The following THSD7A variants were observed in gnomAD, a reference collection of about 807,000 sequenced individuals.
THSD7A encodes thrombospondin type 1 domain containing 7A.
THSD7A carries 96 observed loss-of-function variants against 231.3 expected under a neutral mutation model. The observed-to-expected ratio is 0.41, with a 90% CI of 0.35 to 0.49. THSD7A has a LOEUF of 0.49. Ranked by LOEUF, THSD7A falls within the 20% of genes least tolerant of loss-of-function variation. THSD7A has a pLI of 0.05. For synonymous variants in THSD7A, 940 were observed against 743.3 expected (o/e 1.26, Z -4.30); for missense variants, 2,290 against 2,070.2 (o/e 1.11, Z -2.06).
At chr7:11,544,420 G>C (rs1056443402) in intron 4 of THSD7A, among the ~76,000 whole-genome samples, 2 of 152,044 alleles carry the variant, frequency 1.3e-5, no homozygotes, top group Non-Finnish European at 2.9e-5. Context: ...CTCATGATTG[G>C]GTGAGCCCAC....
Position 11,541,330 on chromosome 7 carries a change from T to C in THSD7A, c.1822+89A>G, listed in dbSNP as rs1005937874. ...CGTTTGTAAACAGAATCAGTTATAA[T>C]GCGAGAAGACACAGGATTTTAACAG... On this transcript the variant is annotated intron_variant, in intron 6 of 27. Transcript: ENST00000423059. 48 of 1,243,986 alleles carry C rather than the reference T, an allele frequency of 3.9e-5. No individual in the cohort carries two copies. In the African/African-American group the frequency reaches 6.4e-4, roughly 17 times the overall value. 77.1% of individuals were successfully genotyped at this position (1,243,986 alleles called of 1,614,324 possible).
chr7:11,614,716 T>A (rs79378302), intron 2 of THSD7A, among the ~76,000 whole-genome samples: 3 of 152,214 alleles, frequency 2.0e-5, no homozygotes, highest in Non-Finnish European at 2.9e-5. Flanking sequence ...TATTTTTTTT[T>A]ATTAATTACA....
At chr7:11,721,513 T>A (rs991182763) in intron 1 of THSD7A, among the ~76,000 whole-genome samples, 4 of 147,178 alleles carry the variant, frequency 2.7e-5, no homozygotes, top group Admixed American at 6.9e-5. Context: ...CTATACAGCC[T>A]ACGGAACTGT....
At chr7:11,622,212 C>T (rs534946715) in intron 2 of THSD7A, among the ~76,000 whole-genome samples, 101 of 152,106 alleles carry the variant, frequency 6.6e-4, no homozygotes, top group African/African-American at 2.4e-3. Context: ...CCAAATTGTA[C>T]ATACATCACA....
chr7:11,629,942 G>A (rs188820546), intron 2 of THSD7A, among the ~76,000 whole-genome samples: 4 of 152,256 alleles, frequency 2.6e-5, no homozygotes, highest in East Asian at 3.9e-4. Flanking sequence ...CCCAGAACAC[G>A]TATGGTTTAC....
At chr7:11,546,563 A>C (rs44) in intron 4 of THSD7A, among the ~76,000 whole-genome samples, 117,689 of 152,058 alleles carry the variant, frequency 0.77, 46,271 homozygotes, top group African/African-American at 0.9. Flanking sequence ...GCAATAAGCC[A>C]CATTCAACAG....
At chr7:11,615,273 C>A (rs747795014) in intron 2 of THSD7A, among the ~76,000 whole-genome samples, 5 of 152,180 alleles carry the variant, frequency 3.3e-5, no homozygotes, top group Non-Finnish European at 5.9e-5. Flanking sequence ...AGGTACATGG[C>A]TATTCTTCAC....
intron 23 of THSD7A, among the ~76,000 whole-genome samples, chr7:11,390,053 G>A (rs767271770): frequency 5.9e-4 from 89 of 151,844 alleles, no homozygotes; most frequent in African/African-American, 1.6e-3. Flanking sequence ...ACATTTTTTC[G>A]TTCATTTCAA....
intron 6 of THSD7A, among the ~76,000 whole-genome samples, chr7:11,496,172 G>C (rs1268244471): frequency 1.3e-5 from 2 of 152,140 alleles, no homozygotes; most frequent in Non-Finnish European, 2.9e-5. Flanking sequence ...CAGGCATTAA[G>C]TGTTTTACAG....
intron 1 of THSD7A, among the ~76,000 whole-genome samples, chr7:11,661,525 A>G (rs955120885): frequency 1.5e-4 from 23 of 151,262 alleles, no homozygotes; most frequent in African/African-American, 2.4e-4. Flanking sequence ...TATGCAAAAA[A>G]AAGCAAAAAA....
At chr7:11,551,585 CAT>C (rs1264762791) in intron 4 of THSD7A, among the ~76,000 whole-genome samples, 2 of 152,078 alleles carry the variant, frequency 1.3e-5, no homozygotes, top group African/African-American at 2.4e-5. Flanking sequence ...GGCCAACAAA[CAT>C]ATGAAAAATT....
chr7:11,681,326 T>C (rs988400698), intron 1 of THSD7A, among the ~76,000 whole-genome samples: 5 of 152,034 alleles, frequency 3.3e-5, no homozygotes, highest in African/African-American at 1.2e-4. Flanking sequence ...GCATGGGCAA[T>C]GTATACCTAC....
chr7:11,565,864 C>T (rs550553278), intron 4 of THSD7A, among the ~76,000 whole-genome samples: 2 of 152,186 alleles, frequency 1.3e-5, no homozygotes, highest in South Asian at 2.1e-4. Context: ...CCACCTACAA[C>T]GAATCCACCT....
At chr7:11,488,165 C>G (rs1265302130) in intron 6 of THSD7A, among the ~76,000 whole-genome samples, 2 of 152,100 alleles carry the variant, frequency 1.3e-5, no homozygotes, top group Admixed American at 6.6e-5. Flanking sequence ...CTTGCCAGAT[C>G]TATACAAAAT....
At chr7:11,773,172 C>CA (rs1157388360) in intron 1 of THSD7A, among the ~76,000 whole-genome samples, 3 of 152,110 alleles carry the variant, frequency 2.0e-5, no homozygotes, top group Non-Finnish European at 2.9e-5. Context: ...ACTATGCTAA[C>CA]AAAAAATGCA....
intron 1 of THSD7A, among the ~76,000 whole-genome samples, chr7:11,675,013 C>G (rs1195327048): frequency 6.6e-6 from 1 of 152,124 alleles, no homozygotes; most frequent in Non-Finnish European, 1.5e-5. Context: ...GTCTGCTGCT[C>G]CCAGAGAGAC....
At chr7:11,389,913 T>TTTTC (rs1010667996) in intron 23 of THSD7A, among the ~76,000 whole-genome samples, 5 of 152,308 alleles carry the variant, frequency 3.3e-5, no homozygotes, top group African/African-American at 1.2e-4. Context: ...TTGAAAATTC[T>TTTTC]TTTCTTTAAG....
chr7:11,636,257 G>C lies in THSD7A; in HGVS notation c.895C>G (p.Leu299Val), dbSNP rs762168040. ...KGVKDPEARE[L>V]IKKKRNRNRQ... ...TTTCTGTTTCTCTTTTTCTTAATAAGCTCGCGGGCTTCTGGATCCTTTACT... is the reference window on the plus strand; with the variant it reads ...TTTCTGTTTCTCTTTTTCTTAATAACCTCGCGGGCTTCTGGATCCTTTACT... The change falls in exon 2 of 28, where the codon CTT (leucine) becomes GTT (valine). Residue 299 changes from leucine (L) to valine (V), a missense_variant. Leu to Val is a conservative substitution (Grantham distance 32). Transcript: ENST00000423059. The surrounding 1 kb of genome is among the most constrained non-coding windows in gnomAD (Gnocchi z 10.0). 6.2e-7 allele frequency: 1 copy of C among 1,613,876 alleles called. No individual in the cohort carries two copies. Among genetic ancestry groups the C allele is most frequent in the East Asian group, 2.2e-5 (1 of 44,874 alleles).
rs368887201 is a variant in THSD7A at position 11,657,109 on chromosome 7, A to G, written c.191-20148T>C. Among the ~76,000 whole-genome samples, 7 of 151,938 alleles carry G rather than the reference A, an allele frequency of 4.6e-5. No homozygotes were observed. In the East Asian group the frequency reaches 9.8e-4, roughly 21 times the overall value. ...ATGTAGCCTTAAAAATGTGCTTTAA[A>G]TTATAGCTCTTTGCCATGTATCCTA... On this transcript the variant is annotated intron_variant, in intron 1 of 27. Transcript: ENST00000423059.
Sources: gnomAD v4.1 joint callset for allele counts (sites outside exome capture counted in the v4.1 genomes callset) on GRCh38, gnomAD v4.1.1 for gene constraint, Gnocchi (gnomAD v3.1) non-coding constraint, MANE v1.5 for transcripts, NCBI Gene and HGNC (gene_info 2026-07-23, HGNC 2026-07-21) for gene names.